Variants in PARP8 observed in about 807,000 individuals in gnomAD.
PARP8 encodes protein mono-ADP-ribosyltransferase PARP8.
A neutral mutation model predicts 124.1 loss-of-function variants in PARP8; 51 were observed. The ratio of observed to expected loss-of-function variants is 0.41; its 90% confidence interval spans 0.33 to 0.52. PARP8 has a LOEUF of 0.52. Ranked by LOEUF, PARP8 falls within the 20% of genes least tolerant of loss-of-function variation. The pLI is 0.21. For synonymous variants in PARP8, 391 were observed against 361.5 expected (o/e 1.08, Z -0.93); for missense variants, 860 against 1,018.9 (o/e 0.84, Z 2.12).
In PARP8 at chr5:50,739,884, G is replaced by T. The variant is rs1436049335; in HGVS notation, c.147-10267G>T. On this transcript the variant is annotated intron_variant, in intron 2 of 25. Transcript: ENST00000281631. ...CTGCCTCAGCCTCCCGAGTAGCTGG[G>T]ATTACAGGCACCCACCACCACGCCT... Among the ~76,000 whole-genome samples the T allele has an allele frequency of 2.0e-5, 3 of 151,248 alleles. No individual in the cohort carries two copies. In the South Asian group the frequency reaches 6.3e-4, roughly 32 times the overall value.
chr5:50,795,471 ATT>A, intron 12 of PARP8, 54 bp downstream of exon 12: 1 of 1,376,060 alleles, frequency 7.3e-7, no homozygotes, highest in Non-Finnish European at 9.7e-7. Flanking sequence ...GTGCAGTAGA[ATT>A]TTTTTTTTCT....
intron 2 of PARP8, among the ~76,000 whole-genome samples, chr5:50,729,501 A>G (rs1756763247): frequency 6.6e-6 from 1 of 152,190 alleles, no homozygotes; most frequent in Admixed American, 6.5e-5. Context: ...GGACAAATTG[A>G]TAGACCTCTC....
intron 7 of PARP8, among the ~76,000 whole-genome samples, chr5:50,773,153 A>G (rs868453788): frequency 1.3e-5 from 2 of 152,058 alleles, no homozygotes; most frequent in Admixed American, 6.5e-5. Context: ...TCTCTTCACT[A>G]TGTTGATTGT....
chr5:50,827,921 T>C lies in PARP8; in HGVS notation c.1978-23T>C, dbSNP rs569596767. 169 of 1,515,258 alleles carry C rather than the reference T, an allele frequency of 1.1e-4. 2 individuals are homozygous for C. The South Asian group carries it at 1.8e-3, about 16-fold the overall frequency. 93.9% of individuals were successfully genotyped at this position (1,515,258 alleles called of 1,614,324 possible). A position where few individuals can be genotyped will look rare whatever the true frequency, so the allele number is the denominator to read the frequency against. On this transcript the variant is annotated intron_variant, in intron 19 of 25. Transcript: ENST00000281631. The stretch of plus-strand genomic sequence containing the variant: ...ATATGTTAAGTTTTACATGTTTTTG[T>C]TTGTCTTTATCTTAAATGGCAGCAA...
intron 5 of PARP8, 72 bp from the exon 6 acceptor site, chr5:50,761,749 A>G (rs1011968621): frequency 5.1e-6 from 5 of 982,460 alleles, no homozygotes; most frequent in African/African-American, 5.0e-5. Flanking sequence ...CTTGCCTATT[A>G]TAGTCACTTG....
intron 2 of PARP8, among the ~76,000 whole-genome samples, chr5:50,676,345 A>G (rs2149439034): frequency 6.6e-6 from 1 of 152,380 alleles, no homozygotes; most frequent in East Asian, 1.9e-4. Context: ...AGCTTTGGTT[A>G]ACTGGCATTT....
intron 19 of PARP8, among the ~76,000 whole-genome samples, chr5:50,827,579 G>C (rs1348849693): frequency 2.0e-5 from 3 of 152,018 alleles, no homozygotes; most frequent in Non-Finnish European, 2.9e-5. Context: ...CAATTGAATA[G>C]CTAGTATATA....
At chr5:50,799,293 G>GT (rs532269441) in intron 14 of PARP8, among the ~76,000 whole-genome samples, 207 of 152,310 alleles carry the variant, frequency 1.4e-3, no homozygotes, top group South Asian at 2.1e-3. Context: ...TAGATACCCA[G>GT]TTGTCTCAGC....
intron 2 of PARP8, among the ~76,000 whole-genome samples, chr5:50,732,220 A>G (rs1363081462): frequency 6.6e-6 from 1 of 152,230 alleles, no homozygotes; most frequent in Non-Finnish European, 1.5e-5. Context: ...ACAATACGAT[A>G]CATAGTAATT....
intron 7 of PARP8, 25 bp downstream of exon 7, chr5:50,763,267 A>T (rs763442974): frequency 7.2e-6 from 11 of 1,530,746 alleles, no homozygotes; most frequent in Non-Finnish European, 9.9e-6. Flanking sequence ...CTGGTGAATA[A>T]AATTAAAGTT....
At chr5:50,835,756 A>C (rs768977658) in intron 25 of PARP8, among the ~76,000 whole-genome samples, 3 of 151,936 alleles carry the variant, frequency 2.0e-5, no homozygotes, top group Non-Finnish European at 4.4e-5. Context: ...AATGCAGTAC[A>C]TGTCAATGTG....
At chr5:50,839,633 T>C (rs558468038) in intron 25 of PARP8, among the ~76,000 whole-genome samples, 2 of 150,680 alleles carry the variant, frequency 1.3e-5, no homozygotes, top group South Asian at 2.1e-4. Context: ...GCATTTTATT[T>C]AATACTTTTA....
intron 17 of PARP8, 22 bp downstream of exon 17, chr5:50,822,422 G>T (rs1745863185): frequency 6.4e-7 from 1 of 1,553,170 alleles, no homozygotes; most frequent in South Asian, 1.1e-5. Flanking sequence ...ATCTGGTCTT[G>T]TACAGTATAT....
chr5:50,719,012 G>C (rs1480015463), intron 2 of PARP8, among the ~76,000 whole-genome samples: 3 of 151,894 alleles, frequency 2.0e-5, no homozygotes, highest in Non-Finnish European at 4.4e-5. Context: ...ATTTTAAGTG[G>C]GGTGAGATGG....
chr5:50,834,162 A>G (rs965859456), intron 24 of PARP8, 114 bp downstream of exon 24: 1 of 851,408 alleles, frequency 1.2e-6, no homozygotes, highest in African/African-American at 1.7e-5. Context: ...ATTATTCCTT[A>G]TGATCATCTC....
intron 2 of PARP8, among the ~76,000 whole-genome samples, chr5:50,726,411 T>C (rs1051653963): frequency 1.3e-5 from 2 of 152,210 alleles, no homozygotes; most frequent in Admixed American, 6.5e-5. Context: ...TTTACAAATA[T>C]GTTTTTATTG....
chr5:50,722,952 C>G (rs1194375246), intron 2 of PARP8, among the ~76,000 whole-genome samples: 1 of 152,062 alleles, frequency 6.6e-6, no homozygotes, highest in South Asian at 2.1e-4. Flanking sequence ...CTGGAATGAT[C>G]TGTAATGCAG....
rs963377971 is a variant in PARP8, at chr5:50,667,152, G to C, written c.57G>C (p.Gln19His). The change falls in exon 1 of 26, where the codon CAG becomes CAC. Residue 19 changes from glutamine to histidine, a missense_variant. By Grantham distance (24) the Gln-to-His change is conservative. Coordinates refer to ENST00000281631, the MANE Select transcript of PARP8 (RefSeq NM_024615.4). ...AGAAGGATATCGACGTCGTGATCCA[G>C]AAGTCCAGAGCTGAGAAGGACTGCC... ...RIQKDIDVVIQKSRAEKDCLF... is the reference protein window; with the variant it reads ...RIQKDIDVVIHKSRAEKDCLF... The C allele has an allele frequency of 3.8e-6, 6 of 1,596,286 alleles. No homozygotes were observed. The African/African-American group carries it at 8.0e-5, about 21-fold the overall frequency.
At chr5:50,741,371 ATGT>A (rs1476894075) in intron 2 of PARP8, among the ~76,000 whole-genome samples, 1 of 152,162 alleles carries the variant, frequency 6.6e-6, no homozygotes, top group Admixed American at 6.5e-5. Flanking sequence ...TTATTTAAAT[ATGT>A]TGTTGTCTTT....
Sources: gnomAD v4.1 joint callset for allele counts (sites outside exome capture counted in the v4.1 genomes callset) on GRCh38, gnomAD v4.1.1 for gene constraint, MANE v1.5 for transcripts, NCBI Gene and HGNC (gene_info 2026-07-23, HGNC 2026-07-21) for gene names.